Variants in LRRC37A observed in about 807,000 individuals in gnomAD.
LRRC37A encodes the protein leucine rich repeat containing 37A.
In LRRC37A, 3 loss-of-function variants were observed where a neutral mutation model predicts 35.4. That is an observed-to-expected ratio of 0.08 (90% CI 0.04 to 0.22). LRRC37A has a LOEUF of 0.22. Among genes scored for constraint, LRRC37A ranks in the 10% least tolerant of loss-of-function variants. The probability of loss-of-function intolerance (pLI) is 1.00; values close to 1 mark genes in which losing one functional copy is unlikely to be tolerated. For missense variants in LRRC37A, 67 were observed against 565.3 expected (o/e 0.12, Z 8.94); for synonymous variants, 23 against 215.0 (o/e 0.11, Z 7.81).
chr17:46,248,167 ATTTTT>A, the LRRC37A span, among the ~76,000 whole-genome samples: 1 of 151,714 alleles, frequency 6.6e-6, no homozygotes, highest in Non-Finnish European at 1.5e-5. Context: ...ACTGTAAGTT[ATTTTT>A]TTCTTAGACT....
the LRRC37A span, among the ~76,000 whole-genome samples, chr17:46,264,206 C>T: frequency 5.4e-5 from 8 of 148,794 alleles, no homozygotes; most frequent in African/African-American, 1.7e-4. Flanking sequence ...TCAAGTGATC[C>T]GCTTCCCTCA....
chr17:46,286,052 A>G, the LRRC37A span, among the ~76,000 whole-genome samples: 1 of 152,228 alleles, frequency 6.6e-6, no homozygotes, highest in Non-Finnish European at 1.5e-5. Context: ...TGCAGCACCC[A>G]TGGTACCAAT....
chr17:46,256,960 A>C, the LRRC37A span, among the ~76,000 whole-genome samples: 1 of 152,232 alleles, frequency 6.6e-6, no homozygotes, highest in African/African-American at 2.4e-5. Context: ...GCTATGTTTT[A>C]TGTTAATTGG....
chr17:46,259,019 A>ATTTTTTTT, the LRRC37A span, among the ~76,000 whole-genome samples: 162 of 79,428 alleles, frequency 2.0e-3, 23 homozygotes, highest in South Asian at 3.1e-3. Flanking sequence ...CACCCGGCCT[A>ATTTTTTTT]TTTTTTTTTT....
At chr17:46,280,799 G>A in the LRRC37A span, among the ~76,000 whole-genome samples, 1 of 152,150 alleles carries the variant, frequency 6.6e-6, no homozygotes, top group African/African-American at 2.4e-5. Context: ...GTCTCGAAAT[G>A]CTGACCTCAA....
upstream of LRRC37A, among the ~76,000 whole-genome samples, chr17:46,291,969 C>CA (rs59554870): frequency 8.7e-3 from 505 of 58,080 alleles, 25 homozygotes; most frequent in African/African-American, 0.035. Flanking sequence ...TCTCAAAAAG[C>CA]AAAAAAAAAA....
At chr17:46,255,363 CT>C in the LRRC37A span, among the ~76,000 whole-genome samples, 10,533 of 125,576 alleles carry the variant, frequency 0.084, 279 homozygotes, top group East Asian at 0.24. Context: ...TCCCCAAATT[CT>C]TTTTTTTTTT....
chr17:46,284,052 C>T, the LRRC37A span, among the ~76,000 whole-genome samples: 3 of 152,230 alleles, frequency 2.0e-5, no homozygotes, highest in South Asian at 2.1e-4. Context: ...GGTTTTATAC[C>T]GAGACATTCC....
chr17:46,307,755 T>A (rs2143669961), intron 5 of LRRC37A, among the ~76,000 whole-genome samples: 1 of 79,540 alleles, frequency 1.3e-5, no homozygotes, highest in African/African-American at 3.1e-5. Flanking sequence ...CGGTGGCTCA[T>A]GCCTGTAATT....
chr17:46,272,851 A>G, the LRRC37A span, among the ~76,000 whole-genome samples: 18,479 of 152,280 alleles, frequency 0.12, no homozygotes, highest in Non-Finnish European at 0.18. Flanking sequence ...ACATGAAATT[A>G]ATATCTTCCT....
chr17:46,261,695 G>A, the LRRC37A span, among the ~76,000 whole-genome samples: 6 of 150,808 alleles, frequency 4.0e-5, no homozygotes, highest in Non-Finnish European at 5.9e-5. Context: ...TTACAGGCCC[G>A]AGCCATGGTG....
intron 5 of LRRC37A, among the ~76,000 whole-genome samples, chr17:46,317,217 C>A (rs1467899630): frequency 1.2e-5 from 1 of 81,842 alleles, no homozygotes; most frequent in African/African-American, 3.1e-5. Flanking sequence ...TTTGTAGAGA[C>A]AGGGTTTTAC....
chr17:46,277,444 C>T, the LRRC37A span, among the ~76,000 whole-genome samples: 9,476 of 134,876 alleles, frequency 0.07, no homozygotes, highest in Middle Eastern at 0.12. Context: ...CACCAAAGGC[C>T]TTTCCAATTT....
the LRRC37A span, among the ~76,000 whole-genome samples, chr17:46,261,155 A>G: frequency 7.2e-5 from 11 of 152,348 alleles, no homozygotes; most frequent in East Asian, 1.9e-4. Flanking sequence ...ACAAATCACC[A>G]CTAAAGAACT....
At chr17:46,326,983 T>C (rs1177218467) in intron 7 of LRRC37A, among the ~76,000 whole-genome samples, 1 of 78,762 alleles carries the variant, frequency 1.3e-5, no homozygotes, top group African/African-American at 3.6e-5. Context: ...GATGAAAGAA[T>C]AGTACAGAAT....
At chr17:46,285,241 CT>C in the LRRC37A span, among the ~76,000 whole-genome samples, 20,975 of 138,286 alleles carry the variant, frequency 0.15, 1,649 homozygotes, top group Middle Eastern at 0.24. Context: ...CTTTTCTTTC[CT>C]TTTTTTTTTT....
the LRRC37A span, among the ~76,000 whole-genome samples, chr17:46,277,991 G>C: frequency 2.0e-5 from 3 of 151,884 alleles, no homozygotes; most frequent in Non-Finnish European, 4.4e-5. Flanking sequence ...TGTCGCCCAG[G>C]CTGAAGTGTA....
chr17:46,330,985 G>C lies in LRRC37A; in HGVS notation c.3708G>C (p.Ser1236=), dbSNP rs759114190. The C allele has an allele frequency of 2.0e-3, 1,416 of 721,806 alleles. 346 individuals are homozygous for C. The highest frequency in any genetic ancestry group is 9.9e-3 in the African/African-American group (513 of 51,808). The allele number at this position is 721,806 out of a possible 1,614,324, so 44.7% of individuals were successfully genotyped here. The change falls in exon 9 of 14, where the codon TCG becomes TCC. Residue 1236 remains serine, a synonymous_variant. Coordinates refer to ENST00000320254, the Ensembl canonical transcript of LRRC37A. ...GAAACGCCGTCTACACCAAGCCTTC[G>C]TTCACCCAAGAGCATAAGGCAGCAG...
upstream of LRRC37A, among the ~76,000 whole-genome samples, chr17:46,288,357 G>A (rs1460874897): frequency 2.1e-5 from 3 of 145,830 alleles, no homozygotes; most frequent in East Asian, 4.0e-4. Flanking sequence ...CTCCCAGGCT[G>A]GAGTACAGTG....
Sources: allele counts gnomAD v4.1 joint callset (sites outside exome capture counted in the v4.1 genomes callset), GRCh38; gene constraint gnomAD v4.1.1; transcripts MANE v1.5; gene names NCBI Gene and HGNC (gene_info 2026-07-23, HGNC 2026-07-21).